Variants in KIAA1217 observed in about 807,000 individuals in gnomAD.
KIAA1217 encodes KIAA1217.
A neutral mutation model predicts 163.9 loss-of-function variants in KIAA1217; 88 were observed. The observed-to-expected ratio is 0.54, with a 90% confidence interval of 0.45 to 0.64. KIAA1217 has a LOEUF of 0.64. KIAA1217 is among the 30% of genes least tolerant of loss of function. KIAA1217 has a pLI of 0.00. For synonymous variants in KIAA1217, 903 were observed against 923.1 expected, an observed-to-expected ratio of 0.98 and a Z score of 0.39; for missense variants, 2,372 against 2,475.0, an observed-to-expected ratio of 0.96 and a Z score of 0.88.
intron 2 of KIAA1217, among the ~76,000 whole-genome samples, chr10:24,238,305 T>C (rs1019367277): frequency 2.0e-5 from 3 of 152,140 alleles, no homozygotes; most frequent in African/African-American, 7.2e-5. Context: ...TAAACTCCTA[T>C]GGGTTTGAAC....
At chr10:24,207,282 T>TCTCTCTCACACACACACACACACA (rs529791287), upstream of KIAA1217, among the ~76,000 whole-genome samples, 73 of 140,232 alleles carry the variant, frequency 5.2e-4, no homozygotes, top group African/African-American at 2.0e-3. Flanking sequence ...TCTCTCTCTC[T>TCTCTCTCACACACACACACACACA]CACACACACA....
intron 1 of KIAA1217, among the ~76,000 whole-genome samples, chr10:23,802,926 C>T (rs1026373547): frequency 6.6e-6 from 1 of 152,160 alleles, no homozygotes; most frequent in Admixed American, 6.5e-5. Context: ...AACTGTGTGA[C>T]AGGCACTCTT....
At chr10:24,244,124 T>C (rs2073468136) in intron 2 of KIAA1217, among the ~76,000 whole-genome samples, 1 of 152,234 alleles carries the variant, frequency 6.6e-6, no homozygotes, top group Non-Finnish European at 1.5e-5. Context: ...GAATTTCCAA[T>C]GCCTCTTGAT....
At chr10:24,095,684 C>T (rs1298055651) in intron 2 of KIAA1217, among the ~76,000 whole-genome samples, 1 of 152,180 alleles carries the variant, frequency 6.6e-6, no homozygotes, top group Non-Finnish European at 1.5e-5. Context: ...GTCTCAACTA[C>T]CAAATATGCC....
chr10:24,431,632 A>T (rs2059614201), intron 3 of KIAA1217, among the ~76,000 whole-genome samples: 1 of 152,200 alleles, frequency 6.6e-6, no homozygotes, highest in South Asian at 2.1e-4. Context: ...CTGAGTTCTG[A>T]AAGGAAACAT....
chr10:23,973,113 A>AT (rs969998446), intron 1 of KIAA1217, among the ~76,000 whole-genome samples: 3 of 152,270 alleles, frequency 2.0e-5, no homozygotes, highest in East Asian at 1.9e-4. Context: ...GCCATCTTTG[A>AT]TTTTTTTCTC....
intron 2 of KIAA1217, among the ~76,000 whole-genome samples, chr10:24,344,729 T>C (rs1315495262): frequency 6.6e-6 from 1 of 152,232 alleles, no homozygotes; most frequent in East Asian, 1.9e-4. Flanking sequence ...TCCTTATTTG[T>C]ACATGTTATT....
intron 2 of KIAA1217, among the ~76,000 whole-genome samples, chr10:24,296,680 T>C (rs1307105588): frequency 6.6e-6 from 1 of 152,234 alleles, no homozygotes; most frequent in Non-Finnish European, 1.5e-5. Context: ...AACCCTTTTC[T>C]TCTTTTAAAA....
At chr10:24,254,543 G>A (rs1239857235) in intron 2 of KIAA1217, among the ~76,000 whole-genome samples, 2 of 152,178 alleles carry the variant, frequency 1.3e-5, no homozygotes, top group Non-Finnish European at 2.9e-5. Flanking sequence ...GCATTTGGAT[G>A]TTACAGCCCT....
At chr10:24,215,177 C>T (rs1281670749) in intron 1 of KIAA1217, among the ~76,000 whole-genome samples, 1 of 152,188 alleles carries the variant, frequency 6.6e-6, no homozygotes, top group Non-Finnish European at 1.5e-5. Context: ...CTGCCTTGTC[C>T]TCACTTCTCC....
At chr10:24,187,291 G>T (rs1351428395) in intron 2 of KIAA1217, among the ~76,000 whole-genome samples, 1 of 152,018 alleles carries the variant, frequency 6.6e-6, no homozygotes, top group African/African-American at 2.4e-5. Context: ...TATAACCTTT[G>T]TAGCTGACTG....
At chr10:24,319,955 T>A (rs1033219990) in intron 2 of KIAA1217, among the ~76,000 whole-genome samples, 1 of 152,206 alleles carries the variant, frequency 6.6e-6, no homozygotes, top group Non-Finnish European at 1.5e-5. Context: ...AAAACCCGCA[T>A]GAATGATACA....
At chr10:23,871,600 A>G (rs1334302042) in intron 1 of KIAA1217, among the ~76,000 whole-genome samples, 1 of 151,742 alleles carries the variant, frequency 6.6e-6, no homozygotes, top group African/African-American at 2.4e-5. Flanking sequence ...CTTCTAAATC[A>G]TTGGCTAGGA....
intron 2 of KIAA1217, among the ~76,000 whole-genome samples, chr10:24,192,245 C>G (rs867912195): frequency 1.8e-4 from 28 of 152,132 alleles, no homozygotes; most frequent in African/African-American, 6.8e-4. Context: ...AGGGACTCAG[C>G]GATGATTCTT....
At chr10:23,871,267 C>T (rs1840443673) in intron 1 of KIAA1217, among the ~76,000 whole-genome samples, 1 of 152,072 alleles carries the variant, frequency 6.6e-6, no homozygotes, top group Non-Finnish European at 1.5e-5. Flanking sequence ...ATTTGTTCTA[C>T]AGCTTGGGAT....
intron 3 of KIAA1217, among the ~76,000 whole-genome samples, chr10:24,409,909 G>A (rs932904312): frequency 1.3e-5 from 2 of 150,818 alleles, no homozygotes; most frequent in African/African-American, 2.4e-5. Context: ...CCAGGTTGCT[G>A]CAAATGCCAT....
At chr10:24,185,717 C>A (rs2066395619) in intron 2 of KIAA1217, among the ~76,000 whole-genome samples, 1 of 152,090 alleles carries the variant, frequency 6.6e-6, no homozygotes, top group Non-Finnish European at 1.5e-5. Context: ...ATTGCTTGAA[C>A]CCAAGAGGCA....
At chr10:24,520,404 C>T (rs1239674387) in intron 11 of KIAA1217, 151 bp downstream of exon 11, 3 of 1,056,844 alleles carry the variant, frequency 2.8e-6, no homozygotes, top group Non-Finnish European at 4.1e-6. Context: ...GGATACCCCA[C>T]AGCACAAAGT....
chr10:23,793,355 C>T (rs1335646941), intron 1 of KIAA1217, among the ~76,000 whole-genome samples: 2 of 152,190 alleles, frequency 1.3e-5, no homozygotes. Flanking sequence ...GCGTTCTGTG[C>T]TTTTGCCTTG....
Sources: allele counts gnomAD v4.1 joint callset (sites outside exome capture counted in the v4.1 genomes callset), GRCh38; gene constraint gnomAD v4.1.1; transcripts MANE v1.5; gene names NCBI Gene and HGNC (gene_info 2026-07-23, HGNC 2026-07-21).